CNTNAP2: variants seen among roughly 807,000 people sequenced by gnomAD.
The protein encoded by CNTNAP2 is contactin-associated protein-like 2.
A neutral mutation model predicts 155.2 loss-of-function variants in CNTNAP2; 98 were observed. The ratio of observed to expected loss-of-function variants is 0.63; its 90% CI spans 0.54 to 0.75. The LOEUF (loss-of-function observed/expected upper bound fraction) is 0.75, where lower values mean the gene tolerates loss of function less well. CNTNAP2 is among the 30% of genes least tolerant of loss of function. CNTNAP2 has a pLI of 0.00. For missense variants in CNTNAP2, 1,727 were observed against 1,688.1 expected, an observed-to-expected ratio of 1.02 and a Z score of -0.40; for synonymous variants, 651 against 631.2, an observed-to-expected ratio of 1.03 and a Z score of -0.47.
chr7:147,259,534 C>A (rs1207485697), intron 8 of CNTNAP2, among the ~76,000 whole-genome samples: 1 of 152,086 alleles, frequency 6.6e-6, no homozygotes, highest in Non-Finnish European at 1.5e-5. Context: ...TATATGAATT[C>A]TTCAGAGAAG....
chr7:146,779,685 C>T (rs1040767963), intron 2 of CNTNAP2, among the ~76,000 whole-genome samples: 1 of 152,144 alleles, frequency 6.6e-6, no homozygotes, highest in Non-Finnish European at 1.5e-5. Context: ...TTGTTTGTTG[C>T]CTCCTCAAAG....
intron 17 of CNTNAP2, among the ~76,000 whole-genome samples, chr7:148,151,181 A>C (rs972312097): frequency 1.3e-5 from 2 of 152,076 alleles, no homozygotes; most frequent in African/African-American, 4.8e-5. Flanking sequence ...CAAATTGCTT[A>C]ATATTTCTGT....
At chr7:147,148,489 G>A (rs931312855) in intron 8 of CNTNAP2, among the ~76,000 whole-genome samples, 1 of 151,778 alleles carries the variant, frequency 6.6e-6, no homozygotes, top group Non-Finnish European at 1.5e-5. Flanking sequence ...AAATACAGAA[G>A]TCCTATGACT....
chr7:146,268,498 G>A (rs1039973067), intron 1 of CNTNAP2, among the ~76,000 whole-genome samples: 1 of 152,098 alleles, frequency 6.6e-6, no homozygotes, highest in Admixed American at 6.5e-5. Context: ...AGTAGGAGAG[G>A]CATGACTCCA....
rs1455501130 is a variant in CNTNAP2, at chr7:147,236,862, T to A, written c.1349-63279T>A. On this transcript the variant is annotated intron_variant, in intron 8 of 23. Coordinates refer to ENST00000361727, the MANE Select transcript of CNTNAP2 (RefSeq NM_014141.6). Reference sequence around the variant, plus strand: ...GTAACCTAAAGCAACCCTCTATTGCTCACCTTCCACAATGCTAAAGACTGA... The same window carrying A: ...GTAACCTAAAGCAACCCTCTATTGCACACCTTCCACAATGCTAAAGACTGA... 2.0e-5 allele frequency among the ~76,000 whole-genome samples: 3 copies of A among 151,980 alleles called. No homozygotes were observed. In the East Asian group the frequency reaches 5.8e-4, roughly 29 times the overall value.
intron 11 of CNTNAP2, among the ~76,000 whole-genome samples, chr7:147,554,329 C>G (rs567901862): frequency 1.3e-5 from 2 of 150,934 alleles, no homozygotes; most frequent in East Asian, 3.9e-4. Flanking sequence ...GATACAGGGG[C>G]AAAGAGTCCT....
intron 12 of CNTNAP2, among the ~76,000 whole-genome samples, chr7:147,611,483 A>C (rs1275225571): frequency 6.6e-6 from 1 of 152,194 alleles, no homozygotes; most frequent in Admixed American, 6.5e-5. Context: ...ATGGAATAAA[A>C]ACATTAACGG....
intron 15 of CNTNAP2, among the ~76,000 whole-genome samples, chr7:148,045,991 C>T (rs1168647575): frequency 1.3e-5 from 2 of 152,186 alleles, no homozygotes; most frequent in African/African-American, 4.8e-5. Context: ...TTACATAATA[C>T]ATTATGATCA....
chr7:146,423,942 AT>A (rs1796050453), intron 1 of CNTNAP2, among the ~76,000 whole-genome samples: 1 of 152,146 alleles, frequency 6.6e-6, no homozygotes, highest in African/African-American at 2.4e-5. Context: ...GCTTTTTGTC[AT>A]AGGCGTGCTG....
intron 3 of CNTNAP2, among the ~76,000 whole-genome samples, chr7:147,022,259 G>C (rs1798830263): frequency 6.6e-6 from 1 of 152,112 alleles, no homozygotes. Flanking sequence ...GTCATCTACA[G>C]TGAGTCCTAG....
At chr7:146,525,570 A>C (rs572668940) in intron 1 of CNTNAP2, among the ~76,000 whole-genome samples, 50 of 140,204 alleles carry the variant, frequency 3.6e-4, no homozygotes, top group African/African-American at 1.5e-3. Context: ...CTATCTATCT[A>C]TCTATCTCTC....
intron 1 of CNTNAP2, among the ~76,000 whole-genome samples, chr7:146,287,906 G>A (rs1800362414): frequency 6.6e-6 from 1 of 152,076 alleles, no homozygotes; most frequent in Non-Finnish European, 1.5e-5. Context: ...TGTTACATCT[G>A]CTTAAGTAGA....
chr7:147,661,690 T>C (rs1795612433), intron 13 of CNTNAP2, among the ~76,000 whole-genome samples: 2 of 151,986 alleles, frequency 1.3e-5, no homozygotes, highest in Admixed American at 1.3e-4. Context: ...GTAGCTGGGA[T>C]TACAGGTGTG....
At chr7:147,355,797 T>TAG (rs1796053658) in intron 9 of CNTNAP2, among the ~76,000 whole-genome samples, 1 of 151,696 alleles carries the variant, frequency 6.6e-6, no homozygotes, top group Non-Finnish European at 1.5e-5. Flanking sequence ...CAGTAATTAA[T>TAG]CTACCAACCA....
intron 8 of CNTNAP2, among the ~76,000 whole-genome samples, chr7:147,195,301 C>T (rs775730357): frequency 6.6e-6 from 1 of 152,080 alleles, no homozygotes; most frequent in African/African-American, 2.4e-5. Flanking sequence ...GGTACCAGTA[C>T]CATGCTGTTT....
chr7:146,901,732 G>A (rs184489455), intron 3 of CNTNAP2, among the ~76,000 whole-genome samples: 26 of 152,162 alleles, frequency 1.7e-4, no homozygotes, highest in African/African-American at 6.3e-4. Flanking sequence ...AGATGGCTGG[G>A]GAAATATCAG....
intron 13 of CNTNAP2, among the ~76,000 whole-genome samples, chr7:147,680,717 A>G (rs1050782195): frequency 3.9e-5 from 6 of 151,924 alleles, no homozygotes; most frequent in Admixed American, 3.9e-4. Context: ...TAAGTCATAC[A>G]GTCATTCTGA....
intron 1 of CNTNAP2, among the ~76,000 whole-genome samples, chr7:146,593,441 A>G (rs898318727): frequency 1.3e-5 from 2 of 152,082 alleles, no homozygotes; most frequent in Non-Finnish European, 2.9e-5. Flanking sequence ...AAAAACATGC[A>G]TCTGAGAAAA....
At chr7:148,135,989 AAGG>A in intron 16 of CNTNAP2, among the ~76,000 whole-genome samples, 1 of 24,710 alleles carries the variant, frequency 4.0e-5, no homozygotes, top group African/African-American at 2.0e-4. Context: ...GGAAGGAAGG[AAGG>A]AAGGAAGGAA....
Sources: allele counts gnomAD v4.1 joint callset (sites outside exome capture counted in the v4.1 genomes callset), GRCh38; gene constraint gnomAD v4.1.1; transcripts MANE v1.5; gene names NCBI Gene and HGNC (gene_info 2026-07-23, HGNC 2026-07-21).